Variants in DPYSL2 observed in about 807,000 individuals in gnomAD.
The protein encoded by DPYSL2 is dihydropyrimidinase-related protein 2.
DPYSL2 carries 13 observed loss-of-function variants against 69.9 expected under a neutral mutation model. The observed-to-expected ratio is 0.19, with a 90% CI of 0.12 to 0.30. The LOEUF (loss-of-function observed/expected upper bound fraction) is 0.30, where lower values mean the gene tolerates loss of function less well. DPYSL2 is among the 10% of genes least tolerant of loss of function. The pLI, the probability that DPYSL2 is intolerant of heterozygous loss-of-function variation, is 1.00. For synonymous variants in DPYSL2, 326 were observed against 359.1 expected (o/e 0.91, Z 1.04); for missense variants, 587 against 918.9 (o/e 0.64, Z 4.67).
At chr8:26,539,379 AT>A (rs1466774941) in intron 1 of DPYSL2, among the ~76,000 whole-genome samples, 1 of 152,188 alleles carries the variant, frequency 6.6e-6, no homozygotes, top group Non-Finnish European at 1.5e-5. Flanking sequence ...TAACAAAAAA[AT>A]ATTTAAACGG....
chr8:26,604,278 T>C (rs1802059085), intron 3 of DPYSL2, among the ~76,000 whole-genome samples: 1 of 152,196 alleles, frequency 6.6e-6, no homozygotes, highest in Non-Finnish European at 1.5e-5. Flanking sequence ...TTTGGCACTT[T>C]TGTGGAGTTT....
chr8:26,644,133 C>T lies in DPYSL2; in HGVS notation c.1425+42C>T. Reference sequence around the variant, plus strand: ...TCACTCCTTGGTGGCTCTCAGCCTTCCTTGTCCTCCTCATCTGGGGGCCAT... The same window carrying T: ...TCACTCCTTGGTGGCTCTCAGCCTTTCTTGTCCTCCTCATCTGGGGGCCAT... On this transcript the variant is annotated intron_variant, in intron 10 of 13. Transcript: ENST00000521913. This position sits in a 1 kb window ranked among gnomAD's most constrained non-coding sequence, Gnocchi z 4.5. The T allele has an allele frequency of 6.2e-7, 1 of 1,600,982 alleles. No homozygotes were observed. Among genetic ancestry groups the T allele is most frequent in the South Asian group, 1.1e-5 (1 of 89,038 alleles).
In DPYSL2 at chr8:26,627,468, C is replaced by T. The variant is rs1048724998; in HGVS notation, c.936+173C>T. 2.0e-5 allele frequency among the ~76,000 whole-genome samples: 3 copies of T among 152,148 alleles called. No individual in the cohort carries two copies. Among genetic ancestry groups the T allele is most frequent in the African/African-American group, 4.8e-5 (2 of 41,434 alleles). ...CCATGGCATGAATGCCAGTGACACA[C>T]GTGCCTCTCCGTGTGTGCCACAGAA... is the stretch of plus-strand genomic sequence containing the variant. On this transcript the variant is annotated intron_variant, in intron 6 of 13. Transcript: ENST00000521913. The surrounding 1 kb of genome is among the most constrained non-coding windows in gnomAD (Gnocchi z 6.9).
intron 1 of DPYSL2, among the ~76,000 whole-genome samples, chr8:26,567,814 G>A (rs1231058018): frequency 6.6e-6 from 1 of 152,238 alleles, no homozygotes; most frequent in Admixed American, 6.5e-5. Context: ...CTTAGATGGG[G>A]AGAAGAAGAG....
chr8:26,624,429 C>T lies in DPYSL2; in HGVS notation c.793+122C>T, dbSNP rs1802572602. The T allele has an allele frequency of 1.4e-5, 18 of 1,292,078 alleles. No individual in the cohort carries two copies. The highest frequency in any genetic ancestry group is 1.7e-5 in the Non-Finnish European group (16 of 932,914). The allele number at this position is 1,292,078 out of a possible 1,614,324, so 80.0% of individuals were successfully genotyped here. A position where few individuals can be genotyped will look rare whatever the true frequency, so the allele number is the denominator to read the frequency against. ...CATTTGTGCCTCATGCCCATGCCTG[C>T]CCCTGGGAAGGAGAGAGGGCTTTGG... On this transcript the variant is annotated intron_variant, in intron 4 of 13. Coordinates refer to ENST00000521913, the MANE Select transcript of DPYSL2 (RefSeq NM_001197293.3). The surrounding 1 kb of genome is among the most constrained non-coding windows in gnomAD (Gnocchi z 4.7).
intron 1 of DPYSL2, among the ~76,000 whole-genome samples, chr8:26,527,410 G>A (rs1808498055): frequency 6.6e-6 from 1 of 152,078 alleles, no homozygotes; most frequent in Non-Finnish European, 1.5e-5. Context: ...TTTTTCGTAA[G>A]CTTATTTTTT....
chr8:26,561,311 G>A (rs1306716541), intron 1 of DPYSL2, among the ~76,000 whole-genome samples: 2 of 152,020 alleles, frequency 1.3e-5, no homozygotes, highest in Non-Finnish European at 2.9e-5. Context: ...TTGAATCAGA[G>A]GTATCAGGAC....
rs528052608 is a variant in DPYSL2, at chr8:26,596,471, C to T, written c.628+12488C>T. ...GAGCTCGGGAAGGGGATGACCCTAG[C>T]AGTTGCTCTCTGGACCTCTCCACAG... On this transcript the variant is annotated intron_variant, in intron 3 of 13. Coordinates refer to ENST00000521913, the MANE Select transcript of DPYSL2 (RefSeq NM_001197293.3). 2.6e-5 allele frequency among the ~76,000 whole-genome samples: 4 copies of T among 152,348 alleles called. No homozygotes were observed. The South Asian group carries it at 8.3e-4, about 32-fold the overall frequency.
intron 1 of DPYSL2, among the ~76,000 whole-genome samples, chr8:26,539,381 A>G (rs1026048637): frequency 1.3e-5 from 2 of 152,206 alleles, no homozygotes; most frequent in African/African-American, 4.8e-5. Context: ...ACAAAAAAAT[A>G]TTTAAACGGT....
rs1364244501 is a variant in DPYSL2, at chr8:26,641,379, C to T, written c.1127-2060C>T. ...TTGTGCTTAGATGGACTGTGGCCAG[C>T]GGGACCTCCAGGCCTGGCTGGGTCA... is the stretch of plus-strand genomic sequence containing the variant. On this transcript the variant is annotated intron_variant, in intron 8 of 13. Transcript: ENST00000521913. This position sits in a 1 kb window ranked among gnomAD's most constrained non-coding sequence, Gnocchi z 4.1. 6.6e-6 allele frequency among the ~76,000 whole-genome samples: 1 copy of T among 152,172 alleles called. No homozygotes were observed. The highest frequency in any genetic ancestry group is 2.4e-5 in the African/African-American group (1 of 41,414).
chr8:26,651,703 A>C (rs1436838423), intron 11 of DPYSL2, among the ~76,000 whole-genome samples: 1 of 152,238 alleles, frequency 6.6e-6, no homozygotes, highest in East Asian at 1.9e-4. Context: ...GGATAGCTAC[A>C]TAGCTACATT....
Position 26,562,605 on chromosome 8 carries a change from G to T in DPYSL2, c.355-19364G>T, listed in dbSNP as rs997261674. Among the ~76,000 whole-genome samples the T allele has an allele frequency of 5.9e-5, 9 of 152,130 alleles. No individual in the cohort carries two copies. The highest frequency in any genetic ancestry group is 2.2e-4 in the African/African-American group (9 of 41,406). On this transcript the variant is annotated intron_variant, in intron 1 of 13. Transcript: ENST00000521913. The surrounding 1 kb of genome is among the most constrained non-coding windows in gnomAD (Gnocchi z 4.9). ...GAATAAAATCCGAATCTGTTTCCAT[G>T]GCCCACAGTCCTGTAGATGTGGTCC...
rs943559555 is a variant in DPYSL2 at position 26,626,880 on chromosome 8, C to T, written c.855+202C>T. Among the ~76,000 whole-genome samples, 2 of 152,194 alleles carry T rather than the reference C, an allele frequency of 1.3e-5. No homozygotes were observed. Among genetic ancestry groups the T allele is most frequent in the Admixed American group, 1.3e-4 (2 of 15,284 alleles). On this transcript the variant is annotated intron_variant, in intron 5 of 13. Coordinates refer to ENST00000521913, the MANE Select transcript of DPYSL2 (RefSeq NM_001197293.3). The surrounding 1 kb of genome is among the most constrained non-coding windows in gnomAD (Gnocchi z 4.3). ...CCCCCAGCACTGCCACTCCGCCGCC[C>T]TGGATCTGAGGCTCTGCCCCGCACG...
At chr8:26,545,305 T>G (rs1432794166) in intron 1 of DPYSL2, among the ~76,000 whole-genome samples, 2 of 152,172 alleles carry the variant, frequency 1.3e-5, no homozygotes, top group African/African-American at 4.8e-5. Flanking sequence ...AAAATAATTC[T>G]AAGTACCTTT....
chr8:26,630,490 A>G (rs2129927101), intron 7 of DPYSL2, among the ~76,000 whole-genome samples: 1 of 152,268 alleles, frequency 6.6e-6, no homozygotes, highest in African/African-American at 2.4e-5. Flanking sequence ...TTCTCACGTG[A>G]GCCCTGTTCA....
intron 3 of DPYSL2, among the ~76,000 whole-genome samples, chr8:26,600,481 T>C (rs977441333): frequency 2.6e-5 from 4 of 152,200 alleles, no homozygotes; most frequent in African/African-American, 4.8e-5. Flanking sequence ...GTTTTGATTA[T>C]AGCCATGCGA....
chr8:26,597,570 G>T lies in DPYSL2; in HGVS notation c.628+13587G>T, dbSNP rs1233744703. Among the ~76,000 whole-genome samples the T allele has an allele frequency of 6.6e-6, 1 of 152,018 alleles. No individual in the cohort carries two copies. The highest frequency in any genetic ancestry group is 2.4e-5 in the African/African-American group (1 of 41,392). ...GCTCACTGCAAGCTCCGCCTCCCAG[G>T]TTCACGCCATTCTCCTGCCTCAGCC... On this transcript the variant is annotated intron_variant, in intron 3 of 13. Coordinates refer to ENST00000521913, the MANE Select transcript of DPYSL2 (RefSeq NM_001197293.3). The surrounding 1 kb of genome is among the most constrained non-coding windows in gnomAD (Gnocchi z 5.2).
At chr8:26,577,073 T>C (rs1300165872) in intron 1 of DPYSL2, 2 of 430,580 alleles carry the variant, frequency 4.6e-6, no homozygotes, top group South Asian at 1.6e-5. Context: ...CAAAAGGATG[T>C]TTCAGGGCGG....
rs564601459 is a variant in DPYSL2, at chr8:26,620,213, C to G, written c.629-3930C>G. On this transcript the variant is annotated intron_variant, in intron 3 of 13. Coordinates refer to ENST00000521913, the MANE Select transcript of DPYSL2 (RefSeq NM_001197293.3). The surrounding 1 kb of genome is among the most constrained non-coding windows in gnomAD (Gnocchi z 4.5). The stretch of plus-strand genomic sequence containing the variant: ...TTGCAATGGGAATGAGTGCCTTGGC[C>G]TAAGGAGAAGGGAAGAAAATCTTGT... Among the ~76,000 whole-genome samples the G allele has an allele frequency of 5.8e-4, 89 of 152,144 alleles. No individual in the cohort carries two copies. The highest frequency in any genetic ancestry group is 1.1e-3 in the Non-Finnish European group (76 of 67,998).
Sources: gnomAD v4.1 joint callset for allele counts (sites outside exome capture counted in the v4.1 genomes callset) on GRCh38, gnomAD v4.1.1 for gene constraint, Gnocchi (gnomAD v3.1) non-coding constraint, MANE v1.5 for transcripts, NCBI Gene and HGNC (gene_info 2026-07-23, HGNC 2026-07-21) for gene names.